The following NDUFB5 variants were observed in gnomAD, a reference collection of about 807,000 sequenced individuals.
NDUFB5 encodes NADH:ubiquinone oxidoreductase subunit B5, also known as NADH dehydrogenase [ubiquinone] 1 beta subcomplex subunit 5, mitochondrial.
Under a neutral mutation model 19.4 loss-of-function variants are expected in NDUFB5, and 19 were observed. The ratio of observed to expected loss-of-function variants is 0.98; its 90% CI spans 0.68 to 1.43. The LOEUF (loss-of-function observed/expected upper bound fraction) is 1.43, where lower values mean the gene tolerates loss of function less well. NDUFB5 is among the 40% of genes most tolerant of loss of function. The probability of loss-of-function intolerance (pLI) is 0.00; values close to 1 mark genes in which losing one functional copy is unlikely to be tolerated. For synonymous variants in NDUFB5, 80 were observed against 82.6 expected (o/e 0.97, Z 0.17); for missense variants, 233 against 236.5 (o/e 0.99, Z 0.10).
intron 5 of NDUFB5, among the ~76,000 whole-genome samples, chr3:179,621,375 CTATGTG>C (rs1462418066): frequency 6.6e-6 from 1 of 151,972 alleles, no homozygotes; most frequent in Non-Finnish European, 1.5e-5. Flanking sequence ...CTGCACCTGG[CTATGTG>C]TATTTCTTTC....
intron 1 of NDUFB5, among the ~76,000 whole-genome samples, chr3:179,612,404 C>G (rs1358454212): frequency 6.7e-6 from 1 of 149,096 alleles, no homozygotes; most frequent in Non-Finnish European, 1.5e-5. Context: ...AATGACATGA[C>G]TAATTGTTTA....
rs1000033690 is a variant in NDUFB5, at chr3:179,616,149, A to T, written c.280+100A>T. The T allele has an allele frequency of 7.1e-6, 6 of 850,346 alleles. No individual in the cohort carries two copies. The African/African-American group carries it at 1.0e-4, about 15-fold the overall frequency. The allele number at this position is 850,346 out of a possible 1,614,324, so 52.7% of individuals were successfully genotyped here. On this transcript the variant is annotated intron_variant, in intron 3 of 5. Transcript: ENST00000259037. The stretch of plus-strand genomic sequence containing the variant: ...AGAAATTATGGATATTGTAATGAAA[A>T]GCTCTTTAAATAATTAAGCATAAGC...
Position 179,624,500 on chromosome 3 carries a change from A to G in NDUFB5, c.*460A>G, listed in dbSNP as rs1017378351. On this transcript the variant is annotated 3_prime_UTR_variant, in exon 6 of 6. Coordinates refer to ENST00000259037, the MANE Select transcript of NDUFB5 (RefSeq NM_002492.4). ...TCTCAGTAAACAAATTTTAAAGTTT[A>G]TAATGCTTTCATGGTTTTTTTTTTT... The G allele has an allele frequency of 6.5e-6, 1 of 152,800 alleles. No homozygotes were observed. Among genetic ancestry groups the G allele is most frequent in the Non-Finnish European group, 1.4e-5 (1 of 69,632 alleles). 9.5% of individuals were successfully genotyped at this position (152,800 alleles called of 1,614,324 possible). A position where few individuals can be genotyped will look rare whatever the true frequency, so the allele number is the denominator to read the frequency against.
chr3:179,611,039 G>A (rs966134871), intron 1 of NDUFB5, among the ~76,000 whole-genome samples: 2 of 152,154 alleles, frequency 1.3e-5, no homozygotes, highest in African/African-American at 4.8e-5. Context: ...TAGGCGTTGG[G>A]AGAAAAGGCA....
intron 1 of NDUFB5, among the ~76,000 whole-genome samples, chr3:179,611,026 A>T (rs1441805532): frequency 6.6e-6 from 1 of 152,112 alleles, no homozygotes; most frequent in African/African-American, 2.4e-5. Context: ...CTCTTGGGGT[A>T]GGTAGGCGTT....
chr3:179,616,740 T>A (rs1719388898), intron 3 of NDUFB5, among the ~76,000 whole-genome samples: 1 of 152,152 alleles, frequency 6.6e-6, no homozygotes, highest in Non-Finnish European at 1.5e-5. Context: ...AAAAACAAAA[T>A]GAGAAACTCA....
chr3:179,616,308 C>G (rs950721823), intron 3 of NDUFB5, among the ~76,000 whole-genome samples: 1 of 151,978 alleles, frequency 6.6e-6, no homozygotes, highest in South Asian at 2.1e-4. Context: ...TTTGGGAGGC[C>G]GAGGCGGGCA....
Position 179,610,597 on chromosome 3 carries a change from C to T in NDUFB5, c.125-4374C>T, listed in dbSNP as rs116755388. Among the ~76,000 whole-genome samples the T allele has an allele frequency of 7.5e-3, 1,142 of 152,148 alleles. 13 individuals are homozygous for T. The highest frequency in any genetic ancestry group is 0.026 in the African/African-American group (1,090 of 41,520). On this transcript the variant is annotated intron_variant, in intron 1 of 5. Transcript: ENST00000259037. The stretch of plus-strand genomic sequence containing the variant: ...AGTTTGTCTAGTTTTTCTTTTTTTG[C>T]CTGTGCCTTTGAAGTCCTGGCATTA...
intron 5 of NDUFB5, among the ~76,000 whole-genome samples, chr3:179,623,383 G>C (rs1451649785): frequency 6.6e-6 from 1 of 152,206 alleles, no homozygotes. Context: ...GTTAAAAACT[G>C]TTTGGTAGGC....
At chr3:179,615,095 C>T (rs1186271661) in intron 2 of NDUFB5, 36 bp downstream of exon 2, 1 of 1,427,018 alleles carries the variant, frequency 7.0e-7, no homozygotes, top group South Asian at 1.3e-5. Flanking sequence ...AAAGTCTTTG[C>T]ATGTAACAGG....
rs1719642462 is a variant in NDUFB5 at position 179,625,338 on chromosome 3, C to T, written c.*1298C>T. On this transcript the variant is annotated 3_prime_UTR_variant, in exon 6 of 6. Coordinates refer to ENST00000259037, the MANE Select transcript of NDUFB5 (RefSeq NM_002492.4). ...TCCTAAGATTCAGGCCAGTGGGTCT[C>T]CACTTAAGGCCAAATGGAGAAATAA... 6.6e-6 allele frequency: 1 copy of T among 152,112 alleles called. No individual in the cohort carries two copies. The highest frequency in any genetic ancestry group is 6.6e-5 in the Admixed American group (1 of 15,266). The allele number at this position is 152,112 out of a possible 1,614,324, so 9.4% of individuals were successfully genotyped here.
At chr3:179,611,516 G>A (rs1456118953) in intron 1 of NDUFB5, among the ~76,000 whole-genome samples, 1 of 151,856 alleles carries the variant, frequency 6.6e-6, no homozygotes, top group African/African-American at 2.4e-5. Context: ...GGATTCAAGC[G>A]ATTCTCTTGC....
In NDUFB5 at chr3:179,626,066, C is replaced by A. The variant is rs1191170363; in HGVS notation, c.*2026C>A. The A allele has an allele frequency of 6.6e-6, 1 of 152,112 alleles. No individual in the cohort carries two copies. Among genetic ancestry groups the A allele is most frequent in the Non-Finnish European group, 1.5e-5 (1 of 68,026 alleles). The allele number at this position is 152,112 out of a possible 1,614,324, so 9.4% of individuals were successfully genotyped here. On this transcript the variant is annotated 3_prime_UTR_variant, in exon 6 of 6. Coordinates refer to ENST00000259037, the MANE Select transcript of NDUFB5 (RefSeq NM_002492.4). ...TTCCTACCAATGGTGGATGAGCGTT[C>A]CCCTTTCTCCACATCCTCACAAGCA...
chr3:179,617,479 CA>C (rs1719413633), intron 4 of NDUFB5: 2 of 152,154 alleles, frequency 1.3e-5, no homozygotes, highest in African/African-American at 4.8e-5. Flanking sequence ...CAAGCAGATA[CA>C]TTTTTTTGCA....
chr3:179,607,641 A>G (rs139802909), intron 1 of NDUFB5: 1 of 643,474 alleles, frequency 1.6e-6, no homozygotes. Flanking sequence ...GTGGTATTAA[A>G]TACATTCCTA....
chr3:179,607,788 T>C, intron 1 of NDUFB5: 1 of 702,962 alleles, frequency 1.4e-6, no homozygotes, highest in Non-Finnish European at 2.6e-6. Context: ...GCTGTCTTTA[T>C]GATTTTGACT....
In NDUFB5 at chr3:179,616,517, G is replaced by A. The variant is rs373455386; in HGVS notation, c.281-466G>A. 6.6e-5 allele frequency among the ~76,000 whole-genome samples: 10 copies of A among 152,060 alleles called. No homozygotes were observed. In the East Asian group the frequency reaches 1.5e-3, roughly 24 times the overall value. The stretch of plus-strand genomic sequence containing the variant: ...AGATGGCGCCATCGCACTCCAGCCC[G>A]GGCAACAGAGTGAGACTCTGTCCCC... On this transcript the variant is annotated intron_variant, in intron 3 of 5. Transcript: ENST00000259037.
In NDUFB5 at chr3:179,604,877, G is replaced by C; in HGVS notation, c.62G>C (p.Arg21Pro). Reference protein sequence around the residue: ...SVTAVAALSGRPLGTRLGFGG... With the variant: ...SVTAVAALSGPPLGTRLGFGG... ...ACTGCGGTGGCAGCTCTGTCTGGCCGGCCCCTTGGCACTCGCCTCGGATTT... is the reference window on the plus strand; with the variant it reads ...ACTGCGGTGGCAGCTCTGTCTGGCCCGCCCCTTGGCACTCGCCTCGGATTT... Residue 21 changes from arginine (R) to proline (P), a missense_variant, in exon 1 of 6, where the codon CGG becomes CCG. Transcript: ENST00000259037. 2.5e-6 allele frequency: 4 copies of C among 1,596,226 alleles called. No individual in the cohort carries two copies. Among genetic ancestry groups the C allele is most frequent in the Non-Finnish European group, 3.4e-6 (4 of 1,175,296 alleles).
chr3:179,619,842 A>G (rs1240460701), intron 5 of NDUFB5, among the ~76,000 whole-genome samples: 1 of 152,124 alleles, frequency 6.6e-6, no homozygotes, highest in Non-Finnish European at 1.5e-5. Flanking sequence ...CTATTTCTCC[A>G]CATCCTCTCC....
Sources: allele counts gnomAD v4.1 joint callset (sites outside exome capture counted in the v4.1 genomes callset), GRCh38; gene constraint gnomAD v4.1.1; transcripts MANE v1.5; gene names NCBI Gene and HGNC (gene_info 2026-07-23, HGNC 2026-07-21).